The following ICE2 variants were observed in gnomAD, a reference collection of about 807,000 sequenced individuals.
The protein encoded by ICE2 is little elongation complex subunit 2.
A neutral mutation model predicts 105.4 loss-of-function variants in ICE2; 87 were observed. The ratio of observed to expected loss-of-function variants is 0.83; its 90% CI spans 0.69 to 0.99. ICE2 has a LOEUF of 0.99. Ranked by LOEUF, ICE2 falls within the 50% of genes least tolerant of loss-of-function variation. The pLI is 0.00. For missense variants in ICE2, 1,323 were observed against 1,146.7 expected (o/e 1.15, Z -2.22); for synonymous variants, 399 against 392.0 (o/e 1.02, Z -0.21).
At chr15:60,432,105 G>T in intron 13 of ICE2, 121 bp from the exon 14 acceptor site, 1 of 238,638 alleles carries the variant, frequency 4.2e-6, no homozygotes, top group Non-Finnish European at 7.4e-6. Context: ...ATGAGATAAT[G>T]TAATACAAAA....
chr15:60,465,096 T>C (rs1489201388), intron 5 of ICE2, among the ~76,000 whole-genome samples: 1 of 152,212 alleles, frequency 6.6e-6, no homozygotes, highest in Non-Finnish European at 1.5e-5. Flanking sequence ...TTTGGATATA[T>C]TTAGGTTCAC....
rs1028244014 is a variant in ICE2, at chr15:60,433,560, C to T, written c.2511-1576G>A. ...AGGTTGAAGTGCGGTGGCACGATCT[C>T]GGCTCACTGCAACCTCCGCTCCTGG... On this transcript the variant is annotated intron_variant, in intron 13 of 15. Coordinates refer to ENST00000261520, the MANE Select transcript of ICE2 (RefSeq NM_024611.6). Among the ~76,000 whole-genome samples the T allele has an allele frequency of 5.3e-5, 8 of 151,598 alleles. No individual in the cohort carries two copies. The East Asian group carries it at 1.4e-3, about 26-fold the overall frequency.
intron 14 of ICE2, 78 bp downstream of exon 14, chr15:60,431,856 G>A: frequency 1.3e-6 from 1 of 786,488 alleles, no homozygotes; most frequent in South Asian, 1.6e-5. Context: ...ATTCCTAACA[G>A]TACATTTTCA....
rs907474108 is a variant in ICE2, at chr15:60,420,744, T to C, written c.*2890A>G. ...GCTCAAGTTCTATCTCAGAAAACCT[T>C]AACTACCAAGATCTGGTTAGATGAC... is the stretch of plus-strand genomic sequence containing the variant. On this transcript the variant is annotated 3_prime_UTR_variant, in exon 16 of 16. Coordinates refer to ENST00000261520, the MANE Select transcript of ICE2 (RefSeq NM_024611.6). 3 of 152,192 alleles carry C rather than the reference T, an allele frequency of 2.0e-5. No homozygotes were observed. The highest frequency in any genetic ancestry group is 7.2e-5 in the African/African-American group (3 of 41,434). 9.4% of individuals were successfully genotyped at this position (152,192 alleles called of 1,614,324 possible).
intron 3 of ICE2, among the ~76,000 whole-genome samples, chr15:60,470,455 G>T (rs1179069308): frequency 1.3e-5 from 2 of 152,110 alleles, no homozygotes; most frequent in Admixed American, 6.5e-5. Context: ...TGTCACAAAA[G>T]GGGGGAATTA....
At chr15:60,437,021 G>T (rs932879127) in intron 12 of ICE2, among the ~76,000 whole-genome samples, 1 of 152,016 alleles carries the variant, frequency 6.6e-6, no homozygotes, top group Non-Finnish European at 1.5e-5. Flanking sequence ...GGGAGGCCGA[G>T]GCGGGCAGAT....
Position 60,451,431 on chromosome 15 carries a change from T to A in ICE2, c.1126-1590A>T, listed in dbSNP as rs74017201. 2.4e-4 allele frequency: 238 copies of A among 972,492 alleles called. 2 individuals carry two copies. The African/African-American group carries it at 4.0e-3, about 16-fold the overall frequency. The allele number at this position is 972,492 out of a possible 1,614,324, so 60.2% of individuals were successfully genotyped here. ...AGAAGGAAATAAAATTAGATATCAT[T>A]AAGAAAAATGTAAACAAACAATAAA... On this transcript the variant is annotated intron_variant, in intron 9 of 15. Coordinates refer to ENST00000261520, the MANE Select transcript of ICE2 (RefSeq NM_024611.6).
chr15:60,471,487 C>T (rs929409272), intron 3 of ICE2, among the ~76,000 whole-genome samples: 1 of 152,124 alleles, frequency 6.6e-6, no homozygotes, highest in Non-Finnish European at 1.5e-5. Flanking sequence ...CACAAACTGG[C>T]AAATTTAATT....
intron 9 of ICE2, among the ~76,000 whole-genome samples, chr15:60,450,930 C>T (rs1430280464): frequency 1.3e-5 from 2 of 152,008 alleles, no homozygotes; most frequent in African/African-American, 2.4e-5. Flanking sequence ...GTGAGGCATT[C>T]CTACACAAAA....
intron 12 of ICE2, chr15:60,441,094 T>C (rs1386095644): frequency 6.6e-6 from 1 of 152,194 alleles, no homozygotes; most frequent in Non-Finnish European, 1.5e-5. Flanking sequence ...AGTTTTTAAC[T>C]GGGCCTTTTC....
intron 15 of ICE2, among the ~76,000 whole-genome samples, chr15:60,427,605 T>C (rs187657095): frequency 3.3e-5 from 5 of 152,264 alleles, no homozygotes; most frequent in African/African-American, 1.2e-4. Flanking sequence ...TTGGTAGAGA[T>C]GGGGTTTCAC....
intron 11 of ICE2, chr15:60,447,375 A>C (rs1438023168): frequency 3.3e-5 from 5 of 152,206 alleles, no homozygotes; most frequent in Admixed American, 1.3e-4. Flanking sequence ...GCCATTTTTT[A>C]AAAAGTTTAT....
At position 60,476,055 on chromosome 15, in the gene ICE2, CAT is replaced by C; in HGVS notation, c.146+6_146+7del. 1 of 1,536,582 alleles carries C rather than the reference CAT, an allele frequency of 6.5e-7. No homozygotes were observed. Among genetic ancestry groups the C allele is most frequent in the Non-Finnish European group, 8.9e-7 (1 of 1,129,548 alleles). On this transcript the variant is annotated splice_donor_region_variant and intron_variant, in intron 3 of 15. Coordinates refer to ENST00000261520, the MANE Select transcript of ICE2 (RefSeq NM_024611.6). ...ATATGGAAATAAATAACCAAATAAA[CAT>C]ATTACCTGTTGGATAAAACACGTAG...
chr15:60,462,220 C>G (rs2064298706), intron 5 of ICE2, among the ~76,000 whole-genome samples: 1 of 152,088 alleles, frequency 6.6e-6, no homozygotes, highest in Admixed American at 6.5e-5. Context: ...CAGAATATTA[C>G]AACTGTGCAA....
At chr15:60,436,503 C>T (rs1348336414) in intron 12 of ICE2, among the ~76,000 whole-genome samples, 1 of 151,830 alleles carries the variant, frequency 6.6e-6, no homozygotes, top group Non-Finnish European at 1.5e-5. Flanking sequence ...TCAAAGCCTA[C>T]AATTTATGAA....
chr15:60,432,595 T>C (rs1329589144), intron 13 of ICE2, among the ~76,000 whole-genome samples: 1 of 151,560 alleles, frequency 6.6e-6, no homozygotes, highest in Non-Finnish European at 1.5e-5. Flanking sequence ...AATTATATAC[T>C]TAAAAAAAAA....
intron 11 of ICE2, among the ~76,000 whole-genome samples, chr15:60,444,267 G>A (rs2063777909): frequency 2.0e-5 from 3 of 152,002 alleles, no homozygotes; most frequent in Admixed American, 6.6e-5. Context: ...TTTCTAAAAA[G>A]CAAATACTTT....
Position 60,435,860 on chromosome 15 carries a change from C to T in ICE2, c.2510+283G>A, listed in dbSNP as rs115691388. Among the ~76,000 whole-genome samples the T allele has an allele frequency of 7.3e-3, 1,106 of 152,026 alleles. 10 individuals carry two copies. The highest frequency in any genetic ancestry group is 0.026 in the African/African-American group (1,075 of 41,484). On this transcript the variant is annotated intron_variant, in intron 13 of 15. Coordinates refer to ENST00000261520, the MANE Select transcript of ICE2 (RefSeq NM_024611.6). The stretch of plus-strand genomic sequence containing the variant: ...GCATGCTGGTGCACACCTGTAGTCC[C>T]TACTTGGGAGGCTGAGGTGGGAGGA...
chr15:60,432,241 G>A (rs1447043855), intron 13 of ICE2, among the ~76,000 whole-genome samples: 3 of 137,908 alleles, frequency 2.2e-5, no homozygotes, highest in Admixed American at 7.7e-5. Context: ...TGGAGTGAGT[G>A]CAGTGGCGCA....
Sources: allele counts gnomAD v4.1 joint callset (sites outside exome capture counted in the v4.1 genomes callset), GRCh38; gene constraint gnomAD v4.1.1; transcripts MANE v1.5; gene names NCBI Gene and HGNC (gene_info 2026-07-23, HGNC 2026-07-21).